Variants in SAMD3 observed in about 807,000 individuals in gnomAD.
SAMD3 encodes the protein sterile alpha motif domain containing 3.
SAMD3 carries 63 observed loss-of-function variants against 58.5 expected under a neutral mutation model. That is an observed-to-expected ratio of 1.08 (90% CI 0.88 to 1.33). SAMD3 has a LOEUF of 1.33. SAMD3 is among the 40% of genes most tolerant of loss of function. The pLI is 0.00. For missense variants in SAMD3, 604 were observed against 608.4 expected (o/e 0.99, Z 0.08); for synonymous variants, 220 against 210.3 (o/e 1.05, Z -0.40).
At chr6:130,362,465 G>A (rs1363514443) in intron 1 of SAMD3, among the ~76,000 whole-genome samples, 1 of 152,152 alleles carries the variant, frequency 6.6e-6, no homozygotes, top group Non-Finnish European at 1.5e-5. Flanking sequence ...GTAGATTCTT[G>A]CAACAAAAAC....
intron 2 of SAMD3, among the ~76,000 whole-genome samples, chr6:130,295,446 T>C (rs1775539448): frequency 6.6e-6 from 1 of 152,218 alleles, no homozygotes. Context: ...TAAATTTCTC[T>C]TGCGGTCATA....
At chr6:130,211,447 C>T (rs1024180669) in intron 4 of SAMD3, among the ~76,000 whole-genome samples, 2 of 151,894 alleles carry the variant, frequency 1.3e-5, no homozygotes, top group Non-Finnish European at 2.9e-5. Flanking sequence ...CCAGGTCTGG[C>T]TAATTTTTGT....
intron 1 of SAMD3, among the ~76,000 whole-genome samples, chr6:130,348,546 C>T (rs1228077901): frequency 6.6e-6 from 1 of 152,162 alleles, no homozygotes; most frequent in African/African-American, 2.4e-5. Flanking sequence ...AATATATATG[C>T]ACCCAATACA....
intron 1 of SAMD3, among the ~76,000 whole-genome samples, chr6:130,351,431 CT>C (rs1159067195): frequency 1.3e-5 from 2 of 152,178 alleles, no homozygotes; most frequent in Non-Finnish European, 2.9e-5. Context: ...TGAACAGACA[CT>C]TCTCAAAAGA....
At chr6:130,149,784 G>GAA (rs568228206) in intron 9 of SAMD3, among the ~76,000 whole-genome samples, 85 of 152,254 alleles carry the variant, frequency 5.6e-4, no homozygotes, top group African/African-American at 1.9e-3. Context: ...CCTGGGTGAT[G>GAA]AAATAACCTG....
At chr6:130,231,557 T>G (rs1796551059) in intron 2 of SAMD3, among the ~76,000 whole-genome samples, 2 of 151,840 alleles carry the variant, frequency 1.3e-5, no homozygotes, top group Non-Finnish European at 2.9e-5. Flanking sequence ...AGAGTGAAAC[T>G]CCGTCTCAAA....
chr6:130,351,196 C>G (rs186192032), intron 1 of SAMD3, among the ~76,000 whole-genome samples: 1 of 152,260 alleles, frequency 6.6e-6, no homozygotes, highest in African/African-American at 2.4e-5. Flanking sequence ...ACACCAAAAG[C>G]AATGGCAACA....
At chr6:130,156,329 A>G (rs1049680849) in intron 8 of SAMD3, among the ~76,000 whole-genome samples, 3 of 152,154 alleles carry the variant, frequency 2.0e-5, no homozygotes, top group African/African-American at 7.2e-5. Flanking sequence ...GTCTCAAAAA[A>G]AAAGAAAAGA....
chr6:130,193,743 T>C (rs1793794678), intron 5 of SAMD3, among the ~76,000 whole-genome samples: 1 of 152,206 alleles, frequency 6.6e-6, no homozygotes, highest in Non-Finnish European at 1.5e-5. Flanking sequence ...TAGTTCCAAA[T>C]AGCCAGAAAA....
At chr6:130,217,919 G>C (rs117251010) in intron 1 of SAMD3, among the ~76,000 whole-genome samples, 25 of 152,254 alleles carry the variant, frequency 1.6e-4, no homozygotes, top group Admixed American at 5.9e-4. Context: ...AACTTGAAGG[G>C]ACAAACAATT....
chr6:130,163,883 G>A (rs1332289884), intron 8 of SAMD3, among the ~76,000 whole-genome samples: 1 of 151,908 alleles, frequency 6.6e-6, no homozygotes, highest in Non-Finnish European at 1.5e-5. Flanking sequence ...AACACACAAA[G>A]CTATTTCATA....
In SAMD3 at chr6:130,246,507, G is replaced by A. The variant is rs2114902555; in HGVS notation, c.-187-23694C>T. On this transcript the variant is annotated intron_variant, in intron 2 of 13. Transcript: ENST00000368134. ...GTAATCATGCCTTGGCACTTGTATT[G>A]GTATTTTTTTTTTTTTGAGAATGTT... 2.3e-5 allele frequency among the ~76,000 whole-genome samples: 3 copies of A among 129,916 alleles called. No individual in the cohort carries two copies. In the South Asian group the frequency reaches 6.7e-4, roughly 29 times the overall value. The allele number at this position is 129,916 out of a possible 152,430, so 85.2% of individuals were successfully genotyped here. A position where few individuals can be genotyped will look rare whatever the true frequency, so the allele number is the denominator to read the frequency against.
At chr6:130,316,305 A>AG (rs897098156) in intron 1 of SAMD3, among the ~76,000 whole-genome samples, 1 of 150,762 alleles carries the variant, frequency 6.6e-6, no homozygotes, top group African/African-American at 2.4e-5. Context: ...AAAAAAAAAA[A>AG]AAAAAAGAAT....
rs535746237 is a variant in SAMD3, at chr6:130,149,788, T to TA, written c.1024-3608dup. 1.2e-3 allele frequency among the ~76,000 whole-genome samples: 183 copies of TA among 152,148 alleles called. 1 individual carries two copies. The highest frequency in any genetic ancestry group is 4.1e-3 in the African/African-American group (170 of 41,492). On this transcript the variant is annotated intron_variant, in intron 9 of 11. Coordinates refer to ENST00000439090, the MANE Select transcript of SAMD3 (RefSeq NM_001017373.4). ...TATGCCCGCTACCTGGGTGATGAAATAACCTGTACACCAAACCCCCACGAC... is the reference window on the plus strand; with the variant it reads ...TATGCCCGCTACCTGGGTGATGAAATAAACCTGTACACCAAACCCCCACGAC...
intron 8 of SAMD3, among the ~76,000 whole-genome samples, chr6:130,156,412 G>A (rs1173630456): frequency 1.3e-5 from 2 of 152,148 alleles, no homozygotes; most frequent in Non-Finnish European, 2.9e-5. Context: ...AAAGAACAGT[G>A]TAAGAAAGGA....
intron 5 of SAMD3, among the ~76,000 whole-genome samples, chr6:130,193,580 CT>C (rs1434864833): frequency 2.0e-5 from 3 of 152,078 alleles, no homozygotes; most frequent in African/African-American, 7.2e-5. Context: ...GGCTTGCCTC[CT>C]TCACTATGGG....
chr6:130,254,520 G>A (rs999055971), intron 2 of SAMD3, among the ~76,000 whole-genome samples: 2 of 151,992 alleles, frequency 1.3e-5, no homozygotes, highest in African/African-American at 4.8e-5. Context: ...GTAGAGATAA[G>A]GTTTTGCCAT....
intron 1 of SAMD3, among the ~76,000 whole-genome samples, chr6:130,314,123 G>C (rs1229468496): frequency 6.6e-6 from 1 of 152,172 alleles, no homozygotes; most frequent in African/African-American, 2.4e-5. Flanking sequence ...AAGGTGGAAA[G>C]GACGTAAAAT....
intron 2 of SAMD3, among the ~76,000 whole-genome samples, chr6:130,237,427 G>T (rs1430937343): frequency 3.3e-5 from 5 of 152,050 alleles, no homozygotes; most frequent in African/African-American, 7.2e-5. Flanking sequence ...GGTACATTTT[G>T]AATTGATCTA....
Sources: gnomAD v4.1 joint callset for allele counts (sites outside exome capture counted in the v4.1 genomes callset) on GRCh38, gnomAD v4.1.1 for gene constraint, MANE v1.5 for transcripts, NCBI Gene and HGNC (gene_info 2026-07-23, HGNC 2026-07-21) for gene names.